The following TMEM164 variants were observed in gnomAD, a reference collection of about 807,000 sequenced individuals.
TMEM164 encodes the protein RP13-360B22.2.
Under a neutral mutation model 18.8 loss-of-function variants are expected in TMEM164, and 4 were observed. That is an observed-to-expected ratio of 0.21 (90% CI 0.10 to 0.49). The LOEUF is 0.49. Ranked by LOEUF, TMEM164 falls within the 20% of genes least tolerant of loss-of-function variation. TMEM164 has a pLI of 0.98. For missense variants in TMEM164, 108 were observed against 239.9 expected (o/e 0.45, Z 3.63); for synonymous variants, 86 against 101.7 (o/e 0.85, Z 0.93).
At chrX:110,020,991 A>T (rs1332609535) in intron 2 of TMEM164, among the ~76,000 whole-genome samples, 1 of 107,725 alleles carries the variant, frequency 9.3e-6, no homozygotes, top group Non-Finnish European at 1.9e-5. Context: ...AAAAAAAAAA[A>T]AAAAGCCCAA....
rs2067269157 is a variant in TMEM164, at chrX:110,174,537, T to C, written c.*1086T>C. The C allele has an allele frequency of 9.1e-6, 1 of 110,100 alleles. No individual in the cohort carries two copies. The allele number at this position is 110,100 out of a possible 1,213,427, so 9.1% of individuals were successfully genotyped here. A position where few individuals can be genotyped will look rare whatever the true frequency, so the allele number is the denominator to read the frequency against. ...CTTGGTTTTACAGGGCCAGTGTTGT[T>C]TCCCTAGGGCCAGATTTCTTCAGTG... On this transcript the variant is annotated 3_prime_UTR_variant, in exon 7 of 7. Transcript: ENST00000372068.
At chrX:110,024,130 GTGGAGAGAATACA>G (rs1319017690) in intron 2 of TMEM164, among the ~76,000 whole-genome samples, 2 of 112,772 alleles carry the variant, frequency 1.8e-5, no homozygotes, top group Non-Finnish European at 3.7e-5. Context: ...AAACACAAAT[GTGGAGAGAATACA>G]TAGTTCATCA....
chrX:110,093,655 T>G (rs190336705), intron 3 of TMEM164, among the ~76,000 whole-genome samples: 1 of 111,823 alleles, frequency 8.9e-6, no homozygotes, highest in Non-Finnish European at 1.9e-5. Flanking sequence ...ATTCATTGAT[T>G]TTTTTGAAGG....
rs1569295315 is a variant in TMEM164 at position 110,017,448 on chromosome X, C to CTTTCTT, written c.390+13285_390+13286insTTCTTT. ...TTTCTTTCTTTCTTTCTTTCTTTCT[C>CTTTCTT]TCTCTCTCTCTCTCTTTCTTTCCTT... is the stretch of plus-strand genomic sequence containing the variant. On this transcript the variant is annotated intron_variant, in intron 2 of 6. Transcript: ENST00000372068. Among the ~76,000 whole-genome samples, 155 of 15,943 alleles carry CTTTCTT rather than the reference C, an allele frequency of 9.7e-3. 3 individuals carry two copies. Among genetic ancestry groups the CTTTCTT allele is most frequent in the African/African-American group, 0.027 (151 of 5,631 alleles). The allele number at this position is 15,943 out of a possible 115,157, so 13.8% of individuals were successfully genotyped here. A position where few individuals can be genotyped will look rare whatever the true frequency, so the allele number is the denominator to read the frequency against.
chrX:110,030,818 AAAAAAAAGAAAAAG>A (rs1283433469), intron 2 of TMEM164, among the ~76,000 whole-genome samples: 1 of 109,607 alleles, frequency 9.1e-6, no homozygotes, highest in Non-Finnish European at 1.9e-5. Flanking sequence ...CTCAAAAAAA[AAAAAAAAGAAAAAG>A]AAAAAAGAAA....
rs780924353 is a variant in TMEM164, at chrX:110,097,501, C to T, written c.441-11579C>T. 1.2e-4 allele frequency among the ~76,000 whole-genome samples: 14 copies of T among 112,524 alleles called. No homozygotes were observed. In the East Asian group the frequency reaches 3.9e-3, roughly 31 times the overall value. On this transcript the variant is annotated intron_variant, in intron 3 of 6. Coordinates refer to ENST00000372068, the MANE Select transcript of TMEM164 (RefSeq NM_032227.4). Reference sequence around the variant, plus strand: ...ATGTAATTTGCCTAATAATCTTTCTCTATACAATGTACCATTTATTTAAGG... The same window carrying T: ...ATGTAATTTGCCTAATAATCTTTCTTTATACAATGTACCATTTATTTAAGG...
At chrX:110,118,656 T>C (rs913502320) in intron 4 of TMEM164, among the ~76,000 whole-genome samples, 6 of 111,571 alleles carry the variant, frequency 5.4e-5, no homozygotes, top group African/African-American at 1.6e-4. Context: ...ATCATTTCAG[T>C]ACACACACAT....
intron 4 of TMEM164, among the ~76,000 whole-genome samples, chrX:110,118,409 T>A (rs1197931075): frequency 9.2e-6 from 1 of 109,115 alleles, no homozygotes; most frequent in Non-Finnish European, 1.9e-5. Context: ...ACTGACCTAC[T>A]TCAAACCCCT....
At chrX:110,180,324 C>T (rs1380455147), downstream of TMEM164, among the ~76,000 whole-genome samples, 1 of 112,522 alleles carries the variant, frequency 8.9e-6, no homozygotes, top group Non-Finnish European at 1.9e-5. Flanking sequence ...CCCCAATGAG[C>T]TTTTCCCTTG....
chrX:110,178,596 C>T, downstream of TMEM164, among the ~76,000 whole-genome samples: 1 of 112,396 alleles, frequency 8.9e-6, no homozygotes, highest in South Asian at 3.7e-4. Flanking sequence ...TCCTCATTTG[C>T]CAGTGTTTGG....
At chrX:110,022,199 A>ATGTGTGTGTGTGTGTG (rs754713777) in intron 2 of TMEM164, among the ~76,000 whole-genome samples, 2,003 of 107,594 alleles carry the variant, frequency 0.019, 58 homozygotes, top group African/African-American at 0.065. Context: ...ACCACTAGAA[A>ATGTGTGTGTGTGTGTG]TGTGTGTGTG....
At chrX:110,151,957 T>A (rs1408606740) in intron 5 of TMEM164, among the ~76,000 whole-genome samples, 1 of 111,647 alleles carries the variant, frequency 9.0e-6, no homozygotes, top group Non-Finnish European at 1.9e-5. Flanking sequence ...ACAGATATTG[T>A]CCTCAGTTGT....
At chrX:110,126,495 CA>C (rs1372903934) in intron 4 of TMEM164, among the ~76,000 whole-genome samples, 4 of 111,957 alleles carry the variant, frequency 3.6e-5, no homozygotes, top group Non-Finnish European at 7.5e-5. Context: ...AAGGGGATAT[CA>C]ATGCCTGCTC....
At chrX:110,092,348 A>G (rs1226179132) in intron 3 of TMEM164, among the ~76,000 whole-genome samples, 1 of 112,035 alleles carries the variant, frequency 8.9e-6, no homozygotes, top group Admixed American at 9.5e-5. Context: ...TGAGCATGGA[A>G]TGTTCTTCCA....
At chrX:110,159,865 C>G (rs771856079) in intron 5 of TMEM164, among the ~76,000 whole-genome samples, 1 of 111,620 alleles carries the variant, frequency 9.0e-6, no homozygotes, top group Non-Finnish European at 1.9e-5. Context: ...CAGTGGACAG[C>G]CAGGGTTCCT....
rs1205799244 is a variant in TMEM164 at position 110,176,453 on chromosome X, TTCTC to T, written c.*3011_*3014del. 12 of 747,814 alleles carry T rather than the reference TTCTC, an allele frequency of 1.6e-5. No homozygotes were observed. Among genetic ancestry groups the T allele is most frequent in the African/African-American group, 2.3e-5 (1 of 42,960 alleles). 61.6% of individuals were successfully genotyped at this position (747,814 alleles called of 1,213,427 possible). A position where few individuals can be genotyped will look rare whatever the true frequency, so the allele number is the denominator to read the frequency against. Reference sequence around the variant, plus strand: ...CAGTCTCCCCAAGTCAGCAATCTCTTTCTCTCTCTCTCCTCAAACTTCATCGCAT... The same window carrying T: ...CAGTCTCCCCAAGTCAGCAATCTCTTTCTCTCTCCTCAAACTTCATCGCAT... On this transcript the variant is annotated 3_prime_UTR_variant, in exon 7 of 7. Transcript: ENST00000372068.
At chrX:110,040,981 T>A (rs1190204720) in intron 2 of TMEM164, among the ~76,000 whole-genome samples, 3 of 111,916 alleles carry the variant, frequency 2.7e-5, no homozygotes, top group Admixed American at 1.9e-4. Context: ...TTTAATAGTG[T>A]TACCTCATAA....
At chrX:110,065,888 G>C (rs774611383) in intron 2 of TMEM164, among the ~76,000 whole-genome samples, 2 of 112,335 alleles carry the variant, frequency 1.8e-5, no homozygotes, top group Non-Finnish European at 3.8e-5. Flanking sequence ...GTATTTTGCT[G>C]TAACATTAGC....
At chrX:110,035,514 T>A (rs1934751073) in intron 2 of TMEM164, among the ~76,000 whole-genome samples, 1 of 110,220 alleles carries the variant, frequency 9.1e-6, no homozygotes. Context: ...CTTTTTTTTT[T>A]TTTAGGGGGG....
Sources: gnomAD v4.1 joint callset for allele counts (sites outside exome capture counted in the v4.1 genomes callset) on GRCh38, gnomAD v4.1.1 for gene constraint, MANE v1.5 for transcripts, NCBI Gene and HGNC (gene_info 2026-07-23, HGNC 2026-07-21) for gene names.